Variants in STK32A observed in about 807,000 individuals in gnomAD.
STK32A encodes the protein serine/threonine kinase 32A, also known as serine/threonine-protein kinase 32A.
In STK32A, 41 loss-of-function variants were observed where a neutral mutation model predicts 53.2. The ratio of observed to expected loss-of-function variants is 0.77; its 90% CI spans 0.60 to 1.00. The LOEUF is 1.00. Among genes scored for constraint, STK32A ranks in the 50% least tolerant of loss-of-function variants. The probability of loss-of-function intolerance (pLI) is 0.00; values close to 1 mark genes in which losing one functional copy is unlikely to be tolerated. For missense variants in STK32A, 458 were observed against 485.8 expected (o/e 0.94, Z 0.54); for synonymous variants, 166 against 162.8 (o/e 1.02, Z -0.15).
chr5:147,284,363 C>T (rs1440576964), intron 4 of STK32A, among the ~76,000 whole-genome samples: 1 of 152,028 alleles, frequency 6.6e-6, no homozygotes, highest in Non-Finnish European at 1.5e-5. Flanking sequence ...CAAGTATGCC[C>T]ACTCTCACTG....
At position 147,322,435 on chromosome 5, in the gene STK32A, G is replaced by A. The variant is rs543079604; in HGVS notation, c.261-1463G>A. ...CTTCGTTGAATTTCTTTTTTTTCTG[G>A]TGTTTGTAAGTATTCCTTTTCTCCT... On this transcript the variant is annotated intron_variant, in intron 4 of 12. Coordinates refer to ENST00000397936, the MANE Select transcript of STK32A (RefSeq NM_001112724.2). 1.4e-4 allele frequency among the ~76,000 whole-genome samples: 22 copies of A among 152,010 alleles called. No individual in the cohort carries two copies. In the East Asian group the frequency reaches 3.9e-3, roughly 27 times the overall value.
At chr5:147,400,929 G>A in the STK32A span, 1 of 1,462,970 alleles carries the variant, frequency 6.8e-7, no homozygotes, top group Non-Finnish European at 9.1e-7. Flanking sequence ...TTTGCACTCT[G>A]ACTATTTGGG....
rs1019219596 is a variant in STK32A at position 147,313,194 on chromosome 5, C to T, written c.261-10704C>T. 3.3e-5 allele frequency among the ~76,000 whole-genome samples: 5 copies of T among 151,918 alleles called. No individual in the cohort carries two copies. The South Asian group carries it at 1.0e-3, about 32-fold the overall frequency. On this transcript the variant is annotated intron_variant, in intron 4 of 12. Transcript: ENST00000397936. ...AGGCTGCGGGGAACTATGAATATGCCACAGCACTCCAGCCTGTGCTACAGA... is the reference window on the plus strand; with the variant it reads ...AGGCTGCGGGGAACTATGAATATGCTACAGCACTCCAGCCTGTGCTACAGA...
chr5:147,285,418 A>G (rs1752280621), intron 4 of STK32A, among the ~76,000 whole-genome samples: 1 of 152,188 alleles, frequency 6.6e-6, no homozygotes. Flanking sequence ...CCAAGAACCC[A>G]AAAGCAAATG....
At chr5:147,265,298 C>T (rs2151948817) in intron 2 of STK32A, among the ~76,000 whole-genome samples, 1 of 152,084 alleles carries the variant, frequency 6.6e-6, no homozygotes, top group African/African-American at 2.4e-5. Flanking sequence ...TTCATCAAAG[C>T]ATTCAATCTT....
chr5:147,394,034 C>T, the STK32A span: 1 of 1,614,000 alleles, frequency 6.2e-7, no homozygotes, highest in African/African-American at 1.3e-5. Context: ...GGAAGGCTTG[C>T]TTAACTCAGA....
In STK32A at chr5:147,341,910, C is replaced by T. The variant is rs146156648; in HGVS notation, c.435-1096C>T. 2.7e-3 allele frequency among the ~76,000 whole-genome samples: 418 copies of T among 152,224 alleles called. 1 individual carries two copies. Among genetic ancestry groups the T allele is most frequent in the African/African-American group, 9.3e-3 (388 of 41,534 alleles). ...AATTCACAGGAGAGCACAAAACCCA[C>T]CTTCTTCCAATGAAGGGAGTAGTCT... On this transcript the variant is annotated intron_variant, in intron 5 of 12. Coordinates refer to ENST00000397936, the MANE Select transcript of STK32A (RefSeq NM_001112724.2).
At chr5:147,345,115 G>A (rs1429776073) in intron 6 of STK32A, among the ~76,000 whole-genome samples, 2 of 152,090 alleles carry the variant, frequency 1.3e-5, no homozygotes, top group African/African-American at 4.8e-5. Context: ...GTGACTTCTG[G>A]AGCCAGATTG....
chr5:147,239,662 C>T lies in STK32A; in HGVS notation c.28C>T (p.Pro10Ser). The T allele has an allele frequency of 1.9e-6, 3 of 1,608,784 alleles. No homozygotes were observed. The highest frequency in any genetic ancestry group is 1.1e-5 in the South Asian group (1 of 89,500). Residue 10 changes from proline (P) to serine (S), a missense_variant, in exon 2 of 13, where the codon CCA becomes TCA. Coordinates refer to ENST00000397936, the MANE Select transcript of STK32A (RefSeq NM_001112724.2). ...GGGAGCGAACACTTCAAGAAAACCA[C>T]CAGTGTTTGATGAAAATGAAGATGG... MGANTSRKP[P>S]VFDENEDVNF...
chr5:147,280,364 C>T (rs1010812482), intron 4 of STK32A, among the ~76,000 whole-genome samples: 1 of 127,534 alleles, frequency 7.8e-6, no homozygotes, highest in African/African-American at 3.0e-5. Context: ...GGTTTTCAAG[C>T]AGGTATTGCT....
chr5:147,236,239 T>C (rs1753311270), intron 1 of STK32A, among the ~76,000 whole-genome samples: 1 of 152,174 alleles, frequency 6.6e-6, no homozygotes, highest in South Asian at 2.1e-4. Flanking sequence ...GTTAATAATC[T>C]GATAATCGGC....
chr5:147,337,777 T>G (rs1333201591), intron 5 of STK32A, among the ~76,000 whole-genome samples: 1 of 152,034 alleles, frequency 6.6e-6, no homozygotes, highest in Non-Finnish European at 1.5e-5. Context: ...TGGGCAGGAA[T>G]TGAGGATATG....
intron 9 of STK32A, among the ~76,000 whole-genome samples, chr5:147,370,979 G>A (rs1756983060): frequency 1.3e-5 from 2 of 152,060 alleles, no homozygotes; most frequent in African/African-American, 2.4e-5. Flanking sequence ...TAAACTCAAA[G>A]GACTTCTTTA....
Position 147,314,523 on chromosome 5 carries a change from AAAAC to A in STK32A, c.261-9371_261-9368del, listed in dbSNP as rs1254188832. Among the ~76,000 whole-genome samples, 26 of 20,386 alleles carry A rather than the reference AAAAC, an allele frequency of 1.3e-3. 1 individual carries two copies. Among genetic ancestry groups the A allele is most frequent in the African/African-American group, 3.5e-3 (25 of 7,200 alleles). 13.4% of individuals were successfully genotyped at this position (20,386 alleles called of 152,430 possible). On this transcript the variant is annotated intron_variant, in intron 4 of 12. Transcript: ENST00000397936. ...CAAAAAAAACAAAAAAAAACAAAAA[AAAAC>A]AAAAAAAAAAAAAGAACAAAGATTT...
intron 1 of STK32A, among the ~76,000 whole-genome samples, chr5:147,237,540 T>C (rs1200729691): frequency 6.6e-6 from 1 of 152,180 alleles, no homozygotes; most frequent in African/African-American, 2.4e-5. Context: ...TTTGATTTTT[T>C]ATCCTGGAGA....
chr5:147,377,443 T>C (rs550085693), intron 11 of STK32A, among the ~76,000 whole-genome samples: 12 of 152,254 alleles, frequency 7.9e-5, no homozygotes, highest in Admixed American at 2.0e-4. Context: ...TGATTTTAAG[T>C]CTTTGAATGG....
At chr5:147,391,996 A>C (rs1231569208), downstream of STK32A, 1 of 152,248 alleles carries the variant, frequency 6.6e-6, no homozygotes, top group Admixed American at 6.5e-5. Context: ...CAGAGAGTGC[A>C]GAAGTGGACG....
At chr5:147,272,315 C>T (rs1270992545) in intron 2 of STK32A, among the ~76,000 whole-genome samples, 4 of 152,086 alleles carry the variant, frequency 2.6e-5, no homozygotes, top group African/African-American at 9.7e-5. Context: ...GACCTCTGGT[C>T]ATCCACCCGC....
At chr5:147,326,677 T>A (rs1463883562) in intron 5 of STK32A, among the ~76,000 whole-genome samples, 1 of 152,188 alleles carries the variant, frequency 6.6e-6, no homozygotes, top group Admixed American at 6.5e-5. Flanking sequence ...TATTCAAATA[T>A]AGGACATTAA....
Sources: gnomAD v4.1 joint callset for allele counts (sites outside exome capture counted in the v4.1 genomes callset) on GRCh38, gnomAD v4.1.1 for gene constraint, MANE v1.5 for transcripts, NCBI Gene and HGNC (gene_info 2026-07-23, HGNC 2026-07-21) for gene names.